The following SLC1A3 variants were observed in gnomAD, a reference collection of about 807,000 sequenced individuals.
The protein encoded by SLC1A3 is excitatory amino acid transporter 1.
A neutral mutation model predicts 48.1 loss-of-function variants in SLC1A3; 21 were observed. The observed-to-expected ratio is 0.44, with a 90% CI of 0.31 to 0.63. SLC1A3 has a LOEUF of 0.63. SLC1A3 is among the 20% of genes least tolerant of loss of function. The pLI, the probability that SLC1A3 is intolerant of heterozygous loss-of-function variation, is 0.08. For missense variants in SLC1A3, 546 were observed against 689.0 expected (o/e 0.79, Z 2.32); for synonymous variants, 239 against 251.4 (o/e 0.95, Z 0.47).
chr5:36,671,541 C>A (rs930710599), intron 4 of SLC1A3, among the ~76,000 whole-genome samples: 1 of 152,158 alleles, frequency 6.6e-6, no homozygotes, highest in African/African-American at 2.4e-5. Flanking sequence ...TAATTCTTAA[C>A]CTATTTTTCT....
intron 5 of SLC1A3, among the ~76,000 whole-genome samples, chr5:36,674,297 A>G (rs1412307041): frequency 6.6e-6 from 1 of 152,154 alleles, no homozygotes; most frequent in Non-Finnish European, 1.5e-5. Flanking sequence ...TGTCAGACAC[A>G]GTGTGTCTTG....
At chr5:36,619,522 C>A (rs1739581479) in intron 2 of SLC1A3, among the ~76,000 whole-genome samples, 1 of 151,810 alleles carries the variant, frequency 6.6e-6, no homozygotes, top group Non-Finnish European at 1.5e-5. Context: ...CACCTGTAGT[C>A]CTTGCTACTC....
At chr5:36,604,339 G>GAAAAA (rs5867330), upstream of SLC1A3, among the ~76,000 whole-genome samples, 1,449 of 150,354 alleles carry the variant, frequency 9.6e-3, 25 homozygotes, top group African/African-American at 0.032. Flanking sequence ...TTTCTAGAAG[G>GAAAAA]AAAAAAAAAG....
rs567577349 is a variant in SLC1A3 at position 36,671,754 on chromosome 5, C to T, written c.524+521C>T. 5.9e-5 allele frequency among the ~76,000 whole-genome samples: 9 copies of T among 152,282 alleles called. No individual in the cohort carries two copies. In the South Asian group the frequency reaches 1.7e-3, roughly 28 times the overall value. On this transcript the variant is annotated intron_variant, in intron 4 of 9. Transcript: ENST00000265113. Reference sequence around the variant, plus strand: ...TAATGTTTATGGAGAAAGAATTTGGCAGGTCTGTAATAAAAGAATAAAGGA... The same window carrying T: ...TAATGTTTATGGAGAAAGAATTTGGTAGGTCTGTAATAAAAGAATAAAGGA...
chr5:36,601,097 A>G (rs1180855670), intron 1 of SLC1A3, among the ~76,000 whole-genome samples: 1 of 152,236 alleles, frequency 6.6e-6, no homozygotes, highest in African/African-American at 2.4e-5. Context: ...CGTTTCTGTG[A>G]TGGCAACTTT....
chr5:36,671,317 G>A, intron 4 of SLC1A3, 84 bp downstream of exon 4: 1 of 938,400 alleles, frequency 1.1e-6, no homozygotes, highest in South Asian at 1.4e-5. Flanking sequence ...CCTGGAAGGG[G>A]TGTGTGACTG....
rs116341386 is a variant in SLC1A3 at position 36,654,575 on chromosome 5, C to A, written c.320-16454C>A. 5.2e-3 allele frequency among the ~76,000 whole-genome samples: 787 copies of A among 152,288 alleles called. 4 individuals are homozygous for A. Among genetic ancestry groups the A allele is most frequent in the African/African-American group, 0.017 (689 of 41,562 alleles). On this transcript the variant is annotated intron_variant, in intron 3 of 9. Coordinates refer to ENST00000265113, the MANE Select transcript of SLC1A3 (RefSeq NM_004172.5). ...TGCCGATACACTTCTCAAGAGGCAC[C>A]ATTTCCTTTCCCCTAGCAAGCCTTG...
chr5:36,681,003 TG>T, intron 8 of SLC1A3, among the ~76,000 whole-genome samples: 1 of 152,180 alleles, frequency 6.6e-6, no homozygotes, highest in South Asian at 2.1e-4. Flanking sequence ...GGTGGGGATT[TG>T]GGGTAATCAT....
chr5:36,624,799 A>G (rs568385237), intron 2 of SLC1A3, among the ~76,000 whole-genome samples: 20 of 152,346 alleles, frequency 1.3e-4, no homozygotes, highest in African/African-American at 4.3e-4. Context: ...TAAATCATGA[A>G]AAAGGATTTG....
intron 2 of SLC1A3, among the ~76,000 whole-genome samples, chr5:36,627,091 C>T (rs191428057): frequency 6.6e-6 from 1 of 151,956 alleles, no homozygotes; most frequent in Admixed American, 6.6e-5. Context: ...ACAGTTATAG[C>T]AAGTATTTTA....
At chr5:36,661,962 C>A (rs145371119) in intron 3 of SLC1A3, among the ~76,000 whole-genome samples, 4 of 152,090 alleles carry the variant, frequency 2.6e-5, no homozygotes, top group Admixed American at 2.6e-4. Flanking sequence ...GACAGTCATG[C>A]GGGAAGGTCT....
At chr5:36,643,626 A>G (rs545217643) in intron 3 of SLC1A3, among the ~76,000 whole-genome samples, 7 of 152,286 alleles carry the variant, frequency 4.6e-5, no homozygotes, top group South Asian at 4.1e-4. Flanking sequence ...AATCATAGCT[A>G]TGGTCCTCCT....
In SLC1A3 at chr5:36,686,302, G is replaced by A. The variant is rs2229894; in HGVS notation, c.*33G>A. 0.29 allele frequency: 438,991 copies of A among 1,498,488 alleles called. 67,703 individuals are homozygous for A. Among genetic ancestry groups the A allele is most frequent in the Admixed American group, 0.41 (24,680 of 59,842 alleles). The allele number at this position is 1,498,488 out of a possible 1,614,324, so 92.8% of individuals were successfully genotyped here. A position where few individuals can be genotyped will look rare whatever the true frequency, so the allele number is the denominator to read the frequency against. ...TAAAGAAACACTTTCTTGAGCACCA[G>A]GTGTTAAAAACCATTATAAAATCTT... On this transcript the variant is annotated 3_prime_UTR_variant, in exon 10 of 10. Coordinates refer to ENST00000265113, the MANE Select transcript of SLC1A3 (RefSeq NM_004172.5).
chr5:36,623,862 C>CA (rs5867332), intron 2 of SLC1A3, among the ~76,000 whole-genome samples: 42 of 113,908 alleles, frequency 3.7e-4, no homozygotes, highest in Admixed American at 6.2e-4. Flanking sequence ...GACACCGTCT[C>CA]AAAAAAAAAA....
At chr5:36,614,602 A>G (rs577623906) in intron 2 of SLC1A3, among the ~76,000 whole-genome samples, 12 of 152,312 alleles carry the variant, frequency 7.9e-5, no homozygotes, top group African/African-American at 2.2e-4. Flanking sequence ...GGCGCCTGAC[A>G]GTAGACGCCT....
intron 3 of SLC1A3, among the ~76,000 whole-genome samples, chr5:36,637,276 G>T (rs1740432217): frequency 6.6e-6 from 1 of 152,186 alleles, no homozygotes. Context: ...TGGCTTAGAG[G>T]AGTTAAGCTT....
intron 3 of SLC1A3, among the ~76,000 whole-genome samples, chr5:36,665,764 A>G (rs1008548766): frequency 6.6e-6 from 1 of 152,196 alleles, no homozygotes; most frequent in Non-Finnish European, 1.5e-5. Context: ...CAAAAGTAGA[A>G]TCCAGGTATT....
intron 3 of SLC1A3, among the ~76,000 whole-genome samples, chr5:36,636,714 A>G (rs432268): frequency 0.19 from 29,369 of 150,894 alleles, 4,602 homozygotes; most frequent in African/African-American, 0.43. Context: ...AGTCAACCTG[A>G]GGAACATGGC....
intron 3 of SLC1A3, among the ~76,000 whole-genome samples, chr5:36,640,626 A>T (rs1740577471): frequency 6.6e-6 from 1 of 152,310 alleles, no homozygotes; most frequent in South Asian, 2.1e-4. Context: ...GAGGATAAGT[A>T]ATAAGTCAAA....
Sources: allele counts gnomAD v4.1 joint callset (sites outside exome capture counted in the v4.1 genomes callset), GRCh38; gene constraint gnomAD v4.1.1; transcripts MANE v1.5; gene names NCBI Gene and HGNC (gene_info 2026-07-23, HGNC 2026-07-21).